Variants in KCNK1 observed in about 807,000 individuals in gnomAD.
KCNK1 encodes the protein potassium two pore domain channel subfamily K member 1, also known as potassium channel subfamily K member 1.
KCNK1 carries 10 observed loss-of-function variants against 22.2 expected under a neutral mutation model. The ratio of observed to expected loss-of-function variants is 0.45; its 90% CI spans 0.28 to 0.76. KCNK1 has a LOEUF of 0.76. KCNK1 is among the 30% of genes least tolerant of loss of function. KCNK1 has a pLI of 0.14. For missense variants in KCNK1, 378 were observed against 421.0 expected (o/e 0.90, Z 0.89); for synonymous variants, 200 against 186.4 (o/e 1.07, Z -0.60).
intron 1 of KCNK1, among the ~76,000 whole-genome samples, chr1:233,635,977 A>G (rs1215235870): frequency 1.3e-5 from 2 of 152,220 alleles, no homozygotes; most frequent in Non-Finnish European, 2.9e-5. Context: ...TGAGTAAGCC[A>G]GCTCTGCATA....
intron 1 of KCNK1, among the ~76,000 whole-genome samples, chr1:233,624,760 G>A (rs1356051223): frequency 3.9e-5 from 6 of 152,198 alleles, no homozygotes; most frequent in African/African-American, 1.4e-4. Context: ...GGGGCCTCAT[G>A]TGTACTCGGT....
At chr1:233,666,398 C>CA (rs1193760227) in intron 1 of KCNK1, among the ~76,000 whole-genome samples, 197 bp from the exon 2 acceptor site, 1 of 152,154 alleles carries the variant, frequency 6.6e-6, no homozygotes, top group Non-Finnish European at 1.5e-5. Context: ...GGTGGACTTT[C>CA]AAACTTATGG....
chr1:233,663,889 T>A (rs1232594820), intron 1 of KCNK1, among the ~76,000 whole-genome samples: 2 of 152,010 alleles, frequency 1.3e-5, no homozygotes, highest in African/African-American at 4.8e-5. Flanking sequence ...TGGAGTGCAA[T>A]GGCGCGATCT....
At position 233,666,658 on chromosome 1, in the gene KCNK1, T is replaced by G; in HGVS notation, c.419T>G (p.Ile140Ser). The G allele has an allele frequency of 6.2e-7, 1 of 1,614,118 alleles. No individual in the cohort carries two copies. ...GCCTTCTGCATCATCTACTCCGTCA[T>G]TGGCATTCCCTTCACCCTCCTGTTC... ...GKAFCIIYSV[I>S]GIPFTLLFLT... Residue 140 changes from isoleucine (I) to serine (S), a missense_variant, in exon 2 of 3, where the codon ATT (isoleucine) becomes AGT (serine). By Grantham distance (142) the Ile-to-Ser change is moderately radical. Coordinates refer to ENST00000366621, the MANE Select transcript of KCNK1 (RefSeq NM_002245.4).
At chr1:233,662,695 A>G (rs1301390664) in intron 1 of KCNK1, among the ~76,000 whole-genome samples, 1 of 152,236 alleles carries the variant, frequency 6.6e-6, no homozygotes, top group African/African-American at 2.4e-5. Flanking sequence ...ATACTCATAC[A>G]TGCCTCACAG....
chr1:233,646,972 C>A (rs933812518), intron 1 of KCNK1, among the ~76,000 whole-genome samples: 1 of 152,262 alleles, frequency 6.6e-6, no homozygotes, highest in Non-Finnish European at 1.5e-5. Flanking sequence ...ATCTTCCCAC[C>A]AAACTCGAAG....
intron 1 of KCNK1, among the ~76,000 whole-genome samples, chr1:233,653,914 T>C (rs942975727): frequency 6.6e-6 from 1 of 152,062 alleles, no homozygotes; most frequent in Non-Finnish European, 1.5e-5. Flanking sequence ...TTCTAACGAA[T>C]GTGGAAGTGG....
chr1:233,642,479 G>A (rs1054226217), intron 1 of KCNK1, among the ~76,000 whole-genome samples: 1 of 152,186 alleles, frequency 6.6e-6, no homozygotes, highest in Non-Finnish European at 1.5e-5. Context: ...AAGATGAAAG[G>A]GAGCAGCATG....
At chr1:233,634,193 C>A (rs1484436273) in intron 1 of KCNK1, among the ~76,000 whole-genome samples, 2 of 151,720 alleles carry the variant, frequency 1.3e-5, no homozygotes, top group African/African-American at 2.4e-5. Flanking sequence ...GTAATCCCAG[C>A]TACTTGGGAG....
At chr1:233,618,503 G>C (rs752188630) in intron 1 of KCNK1, among the ~76,000 whole-genome samples, 5 of 152,022 alleles carry the variant, frequency 3.3e-5, no homozygotes, top group East Asian at 1.9e-4. Context: ...TCATTCTTAA[G>C]AACAATTTGT....
intron 1 of KCNK1, among the ~76,000 whole-genome samples, chr1:233,636,102 G>A (rs2102891568): frequency 6.6e-6 from 1 of 152,298 alleles, no homozygotes; most frequent in East Asian, 1.9e-4. Context: ...TAAACAGTGG[G>A]GAGTCGTAGC....
In KCNK1 at chr1:233,627,651, G is replaced by A. The variant is rs548312478; in HGVS notation, c.355+13125G>A. ...GGGTGCGGATGAGCTGAGCCGTTTCGCACCCCCAGACAGCAGGGAAGAGCA... is the reference window on the plus strand; with the variant it reads ...GGGTGCGGATGAGCTGAGCCGTTTCACACCCCCAGACAGCAGGGAAGAGCA... On this transcript the variant is annotated intron_variant, in intron 1 of 2. Coordinates refer to ENST00000366621, the MANE Select transcript of KCNK1 (RefSeq NM_002245.4). 8.5e-5 allele frequency among the ~76,000 whole-genome samples: 13 copies of A among 152,244 alleles called. 1 individual carries two copies. The highest frequency in any genetic ancestry group is 2.6e-4 in the Admixed American group (4 of 15,286).
At chr1:233,627,370 C>T (rs1033959369) in intron 1 of KCNK1, among the ~76,000 whole-genome samples, 3 of 152,150 alleles carry the variant, frequency 2.0e-5, no homozygotes, top group Non-Finnish European at 2.9e-5. Context: ...TGTTTGAACA[C>T]GGGTTACCAA....
intron 1 of KCNK1, among the ~76,000 whole-genome samples, chr1:233,616,794 A>G (rs367656943): frequency 6.6e-6 from 1 of 152,256 alleles, no homozygotes; most frequent in East Asian, 1.9e-4. Flanking sequence ...TCTTCAAATT[A>G]TCATAGGTGC....
At chr1:233,621,543 A>G (rs760271395) in intron 1 of KCNK1, among the ~76,000 whole-genome samples, 21 of 152,340 alleles carry the variant, frequency 1.4e-4, no homozygotes, top group Non-Finnish European at 2.8e-4. Flanking sequence ...ATAGTAATCC[A>G]CGTCCTTGAA....
chr1:233,619,526 G>A (rs949184142), intron 1 of KCNK1, among the ~76,000 whole-genome samples: 1 of 152,166 alleles, frequency 6.6e-6, no homozygotes, highest in Non-Finnish European at 1.5e-5. Flanking sequence ...AAGAGGCAGT[G>A]GGGGATGCTG....
At chr1:233,639,706 ACACAACTGTG>A (rs1657970994) in intron 1 of KCNK1, among the ~76,000 whole-genome samples, 1 of 152,202 alleles carries the variant, frequency 6.6e-6, no homozygotes, top group Non-Finnish European at 1.5e-5. Flanking sequence ...AAAGAAAACC[ACACAACTGTG>A]AGGCAATTGG....
intron 1 of KCNK1, among the ~76,000 whole-genome samples, chr1:233,648,363 G>A (rs1658139573): frequency 6.6e-6 from 1 of 152,124 alleles, no homozygotes; most frequent in African/African-American, 2.4e-5. Flanking sequence ...CAAATACACA[G>A]TGCATACACA....
rs1571905487 is a variant in KCNK1, at chr1:233,665,371, A to G, written c.356-1224A>G. ...TTCAGTCACAAAAGCCAGGAGCTGCATGGAATTCCAAGGAGGGAATTCTCC... is the reference window on the plus strand; with the variant it reads ...TTCAGTCACAAAAGCCAGGAGCTGCGTGGAATTCCAAGGAGGGAATTCTCC... On this transcript the variant is annotated intron_variant, in intron 1 of 2. Coordinates refer to ENST00000366621, the MANE Select transcript of KCNK1 (RefSeq NM_002245.4). 3.9e-5 allele frequency among the ~76,000 whole-genome samples: 6 copies of G among 152,392 alleles called. No individual in the cohort carries two copies. In the Middle Eastern group the frequency reaches 0.014, roughly 346 times the overall value.
Sources: gnomAD v4.1 joint callset for allele counts (sites outside exome capture counted in the v4.1 genomes callset) on GRCh38, gnomAD v4.1.1 for gene constraint, MANE v1.5 for transcripts, NCBI Gene and HGNC (gene_info 2026-07-23, HGNC 2026-07-21) for gene names.